The following LAMA2 variants were observed in gnomAD, a reference collection of about 807,000 sequenced individuals.
LAMA2 encodes laminin subunit alpha 2.
In LAMA2, 269 loss-of-function variants were observed where a neutral mutation model predicts 364.8. The observed-to-expected ratio is 0.74, with a 90% CI of 0.67 to 0.82. The LOEUF (loss-of-function observed/expected upper bound fraction) is 0.82, where lower values mean the gene tolerates loss of function less well. LAMA2 is among the 40% of genes least tolerant of loss of function. LAMA2 has a pLI of 0.00. For missense variants in LAMA2, 3,807 were observed against 3,873.2 expected (o/e 0.98, Z 0.45); for synonymous variants, 1,379 against 1,370.6 (o/e 1.01, Z -0.14).
intron 2 of LAMA2, among the ~76,000 whole-genome samples, chr6:129,055,185 A>AT (rs57017144): frequency 9.0e-4 from 18 of 20,050 alleles, no homozygotes; most frequent in East Asian, 8.8e-3. Context: ...ATTTATTATT[A>AT]TTATTATTAT....
intron 64 of LAMA2, among the ~76,000 whole-genome samples, chr6:129,515,182 C>T (rs1474320350): frequency 1.3e-5 from 2 of 151,524 alleles, no homozygotes; most frequent in Non-Finnish European, 2.9e-5. Flanking sequence ...GAGAAGTAAG[C>T]CAAGTGCCTC....
intron 1 of LAMA2, among the ~76,000 whole-genome samples, chr6:128,930,171 C>T (rs1204203662): frequency 2.6e-5 from 4 of 152,216 alleles, no homozygotes; most frequent in Non-Finnish European, 5.9e-5. Context: ...GTTTGCTAGG[C>T]GCGACTGCCA....
In LAMA2 at chr6:128,911,486, C is replaced by G. The variant is rs538927588; in HGVS notation, c.112+28129C>G. ...TTCCCGAGTGAGGCAATGCCTCACC[C>G]TGCTTCGGCTCACGCACGGTGCGCG... is the stretch of plus-strand genomic sequence containing the variant. On this transcript the variant is annotated intron_variant, in intron 1 of 64. Transcript: ENST00000421865. 2.6e-5 allele frequency among the ~76,000 whole-genome samples: 4 copies of G among 152,254 alleles called. No homozygotes were observed. In the East Asian group the frequency reaches 7.8e-4, roughly 30 times the overall value.
At chr6:129,305,928 G>C (rs975645193) in intron 22 of LAMA2, among the ~76,000 whole-genome samples, 3 of 148,960 alleles carry the variant, frequency 2.0e-5, no homozygotes, top group African/African-American at 7.5e-5. Context: ...CTTTGGTTTT[G>C]TCTAGGAATA....
At chr6:129,400,195 G>A (rs796877039) in intron 37 of LAMA2, among the ~76,000 whole-genome samples, 11 of 152,260 alleles carry the variant, frequency 7.2e-5, no homozygotes, top group African/African-American at 2.6e-4. Flanking sequence ...TATAAGGGCA[G>A]TAATCCCGTT....
chr6:128,942,421 G>A (rs1316189639), intron 1 of LAMA2, among the ~76,000 whole-genome samples: 1 of 152,092 alleles, frequency 6.6e-6, no homozygotes, highest in African/African-American at 2.4e-5. Context: ...CTTTCTTCCA[G>A]TTGAGCTCAA....
intron 48 of LAMA2, among the ~76,000 whole-genome samples, chr6:129,457,034 C>A (rs939865499): frequency 6.6e-6 from 1 of 152,066 alleles, no homozygotes; most frequent in Non-Finnish European, 1.5e-5. Flanking sequence ...AGAATGCCTG[C>A]CTTTTAAAGA....
intron 20 of LAMA2, chr6:129,293,041 G>C (rs977672551): frequency 1.2e-4 from 117 of 985,756 alleles, no homozygotes; most frequent in South Asian, 4.7e-5. Context: ...GGGTGCCCTC[G>C]GGGAGCCTAT....
In LAMA2 at chr6:129,408,190, C is replaced by T. The variant is rs564153420; in HGVS notation, c.5865+4231C>T. 6.6e-5 allele frequency among the ~76,000 whole-genome samples: 10 copies of T among 152,196 alleles called. No homozygotes were observed. In the East Asian group the frequency reaches 9.7e-4, roughly 15 times the overall value. On this transcript the variant is annotated intron_variant, in intron 40 of 64. Coordinates refer to ENST00000421865, the MANE Select transcript of LAMA2 (RefSeq NM_000426.4). Reference sequence around the variant, plus strand: ...GCTTCCACCCCTTGATTCTGGGACACGTGAACACTGGCTATGGGAGAAACA... The same window carrying T: ...GCTTCCACCCCTTGATTCTGGGACATGTGAACACTGGCTATGGGAGAAACA...
At chr6:129,291,765 T>A in intron 20 of LAMA2, 45 bp downstream of exon 20, 1 of 1,272,462 alleles carries the variant, frequency 7.9e-7, no homozygotes, top group Non-Finnish European at 1.1e-6. Context: ...TCCTTACAGA[T>A]TTTCACTGGC....
intron 8 of LAMA2, chr6:129,158,683 A>C (rs989815958): frequency 9.3e-6 from 15 of 1,614,058 alleles, no homozygotes; most frequent in Middle Eastern, 1.6e-4. Context: ...CTGCCATCAA[A>C]AAACGGACCT....
chr6:129,393,271 A>C lies in LAMA2; in HGVS notation c.5445+16A>C. 1 of 1,588,548 alleles carries C rather than the reference A, an allele frequency of 6.3e-7. No homozygotes were observed. The highest frequency in any genetic ancestry group is 8.6e-7 in the Non-Finnish European group (1 of 1,156,816). On this transcript the variant is annotated intron_variant, in intron 37 of 64. Coordinates refer to ENST00000421865, the MANE Select transcript of LAMA2 (RefSeq NM_000426.4). ...TGCATTGGAGGTGAGTCTTAGGGGC[A>C]CTTTTATCTTAATCTCAGAAGGTTG...
intron 9 of LAMA2, 58 bp from the exon 10 acceptor site, chr6:129,177,648 A>T (rs1780678461): frequency 6.4e-7 from 1 of 1,560,612 alleles, no homozygotes; most frequent in African/African-American, 1.4e-5. Flanking sequence ...TTAAAACTTT[A>T]ACAACTAAAT....
chr6:129,300,885 CT>C lies in LAMA2; in HGVS notation c.3174+19del, dbSNP rs1338999734. 3.7e-6 allele frequency: 6 copies of C among 1,613,188 alleles called. No individual in the cohort carries two copies. Among genetic ancestry groups the C allele is most frequent in the Non-Finnish European group, 5.1e-6 (6 of 1,179,344 alleles). On this transcript the variant is annotated intron_variant, in intron 22 of 64. Transcript: ENST00000421865. The stretch of plus-strand genomic sequence containing the variant: ...CACTGGTTGTAAGGTGAGTGAACCA[CT>C]TTTTTGCTCTGATAATTTTTTGGAG...
At chr6:129,216,377 G>A (rs1394010540) in intron 12 of LAMA2, among the ~76,000 whole-genome samples, 2 of 152,146 alleles carry the variant, frequency 1.3e-5, no homozygotes, top group Non-Finnish European at 2.9e-5. Context: ...TTAAACTGAT[G>A]TTCTTTGGAA....
chr6:128,890,086 T>A (rs1453070796), intron 1 of LAMA2, among the ~76,000 whole-genome samples: 3 of 152,168 alleles, frequency 2.0e-5, no homozygotes, highest in Non-Finnish European at 4.4e-5. Flanking sequence ...TATGTCTCTG[T>A]ATGTGTAGTC....
intron 32 of LAMA2, among the ~76,000 whole-genome samples, chr6:129,355,210 T>C: frequency 6.6e-6 from 1 of 152,196 alleles, no homozygotes; most frequent in East Asian, 1.9e-4. Flanking sequence ...TATACTGCTC[T>C]TAAGCATTAG....
chr6:128,922,520 C>A (rs1408494245), intron 1 of LAMA2, among the ~76,000 whole-genome samples: 3 of 151,306 alleles, frequency 2.0e-5, no homozygotes, highest in Non-Finnish European at 4.4e-5. Context: ...TGAGAAGTGT[C>A]TGTTCATGTC....
At chr6:129,422,341 A>AAGAT (rs1011322400) in intron 40 of LAMA2, among the ~76,000 whole-genome samples, 1 of 152,158 alleles carries the variant, frequency 6.6e-6, no homozygotes, top group Non-Finnish European at 1.5e-5. Flanking sequence ...GAAATGCAAG[A>AAGAT]AGATAGAAAA....
Sources: gnomAD v4.1 joint callset for allele counts (sites outside exome capture counted in the v4.1 genomes callset) on GRCh38, gnomAD v4.1.1 for gene constraint, MANE v1.5 for transcripts, NCBI Gene and HGNC (gene_info 2026-07-23, HGNC 2026-07-21) for gene names.